Variants in ANO2 observed in about 807,000 individuals in gnomAD.
ANO2 encodes anoctamin 2.
In ANO2, 101 loss-of-function variants were observed where a neutral mutation model predicts 124.2. That is an observed-to-expected ratio of 0.81 (90% confidence interval 0.69 to 0.96). ANO2 has a LOEUF of 0.96. Among genes scored for constraint, ANO2 ranks in the 40% least tolerant of loss-of-function variants. The pLI is 0.00. For missense variants in ANO2, 1,293 were observed against 1,274.5 expected (o/e 1.01, Z -0.22); for synonymous variants, 486 against 482.5 (o/e 1.01, Z -0.09).
intron 23 of ANO2, among the ~76,000 whole-genome samples, chr12:5,572,647 A>G (rs1591645074): frequency 6.6e-6 from 1 of 152,332 alleles, no homozygotes; most frequent in Admixed American, 6.5e-5. Flanking sequence ...CCAAGCCTTT[A>G]GTAGGGTCTC....
chr12:5,649,580 T>C (rs898559014), intron 14 of ANO2, among the ~76,000 whole-genome samples: 1 of 152,166 alleles, frequency 6.6e-6, no homozygotes, highest in African/African-American at 2.4e-5. Flanking sequence ...TTAGTTTCAC[T>C]CACACACTAA....
At chr12:5,842,444 T>G (rs776456489) in intron 4 of ANO2, among the ~76,000 whole-genome samples, 1 of 152,256 alleles carries the variant, frequency 6.6e-6, no homozygotes, top group East Asian at 1.9e-4. Flanking sequence ...TAATGCTACA[T>G]GTGCCACCAT....
At chr12:5,692,010 A>C (rs959648489) in intron 14 of ANO2, among the ~76,000 whole-genome samples, 3 of 152,154 alleles carry the variant, frequency 2.0e-5, no homozygotes, top group African/African-American at 7.2e-5. Flanking sequence ...TAATGGGGAA[A>C]GTCTCTGGTG....
chr12:5,670,701 A>AT (rs1236189594), intron 14 of ANO2, among the ~76,000 whole-genome samples: 4 of 151,042 alleles, frequency 2.6e-5, no homozygotes, highest in East Asian at 3.9e-4. Context: ...TTCCTGGCTA[A>AT]TTTTTTTTTA....
chr12:5,674,812 G>C (rs1948162145), intron 14 of ANO2, among the ~76,000 whole-genome samples: 2 of 152,236 alleles, frequency 1.3e-5, no homozygotes, highest in Non-Finnish European at 2.9e-5. Flanking sequence ...GGGAAGTTGT[G>C]AAGAGTAGAG....
intron 24 of ANO2, 102 bp downstream of exon 24, chr12:5,565,456 A>T (rs1166030981): frequency 9.7e-7 from 1 of 1,027,070 alleles, no homozygotes; most frequent in African/African-American, 1.6e-5. Context: ...CTTATGTCAC[A>T]GAGTACCACC....
chr12:5,774,081 T>C (rs1952159672), intron 10 of ANO2, among the ~76,000 whole-genome samples: 1 of 152,190 alleles, frequency 6.6e-6, no homozygotes, highest in South Asian at 2.1e-4. Context: ...GCTTGAAGAA[T>C]TCTTTGACTT....
intron 19 of ANO2, chr12:5,608,723 A>G (rs1202849244): frequency 6.6e-6 from 1 of 152,242 alleles, no homozygotes; most frequent in East Asian, 1.9e-4. Context: ...GTCATAAACA[A>G]GAAAATTTAG....
chr12:5,706,609 T>A (rs1949620730), intron 14 of ANO2, among the ~76,000 whole-genome samples: 1 of 152,220 alleles, frequency 6.6e-6, no homozygotes, highest in Non-Finnish European at 1.5e-5. Context: ...CTTTGCTTCA[T>A]CTTTCCTCAG....
At chr12:5,569,725 C>T (rs1362348560) in intron 23 of ANO2, among the ~76,000 whole-genome samples, 6 of 151,976 alleles carry the variant, frequency 3.9e-5, no homozygotes, top group Non-Finnish European at 5.9e-5. Flanking sequence ...GATGTGTGTG[C>T]GTGTGTGTCT....
chr12:5,609,119 G>A (rs1944354858), intron 19 of ANO2: 1 of 152,196 alleles, frequency 6.6e-6, no homozygotes, highest in Admixed American at 6.6e-5. Flanking sequence ...GTCTCTCTAA[G>A]ATGGTAAGCT....
At chr12:5,729,757 C>T (rs1229242036) in intron 14 of ANO2, among the ~76,000 whole-genome samples, 1 of 149,594 alleles carries the variant, frequency 6.7e-6, no homozygotes, top group East Asian at 1.9e-4. Context: ...GTAGAGACCA[C>T]CCAAATGACC....
chr12:5,821,030 G>C (rs1953778919), intron 7 of ANO2, among the ~76,000 whole-genome samples: 1 of 152,162 alleles, frequency 6.6e-6, no homozygotes, highest in African/African-American at 2.4e-5. Flanking sequence ...CTCCAGCTTT[G>C]TGTCATAATC....
chr12:5,945,204 C>A lies in ANO2; in HGVS notation c.14G>T (p.Gly5Val). The change falls in exon 1 of 25, where the codon GGG becomes GTG. Residue 5 changes from glycine to valine, a missense_variant. Gly to Val is a moderately radical substitution (Grantham distance 109, BLOSUM62 -3). Transcript: ENST00000682330. The stretch of plus-strand genomic sequence containing the variant: ...CCAGCCGGAAAACTCACCGCGCGGC[C>A]CGGGAGTCGCCATGATGTGGACGCA... MATPGPRDIPLLPGS... is the reference protein window; with the variant it reads MATPVPRDIPLLPGS... 1 of 1,288,696 alleles carries A rather than the reference C, an allele frequency of 7.8e-7. No individual in the cohort carries two copies. The highest frequency in any genetic ancestry group is 5.6e-5 in the East Asian group (1 of 17,958). 79.8% of individuals were successfully genotyped at this position (1,288,696 alleles called of 1,614,324 possible). A position where few individuals can be genotyped will look rare whatever the true frequency, so the allele number is the denominator to read the frequency against.
At chr12:5,828,507 T>C (rs762243024) in intron 6 of ANO2, among the ~76,000 whole-genome samples, 4 of 152,226 alleles carry the variant, frequency 2.6e-5, no homozygotes, top group Non-Finnish European at 5.9e-5. Context: ...CTCTGGTTTT[T>C]TCCTGGGTCC....
intron 14 of ANO2, among the ~76,000 whole-genome samples, chr12:5,672,581 G>T (rs945235543): frequency 1.7e-5 from 2 of 118,288 alleles, no homozygotes; most frequent in African/African-American, 6.2e-5. Flanking sequence ...CAGTCAGCTC[G>T]TGTGTGTGTG....
Position 5,635,267 on chromosome 12 carries a change from A to G in ANO2, c.1701T>C (p.Ala567=), listed in dbSNP as rs1945950620. 1 of 1,612,302 alleles carries G rather than the reference A, an allele frequency of 6.2e-7. No homozygotes were observed. Among genetic ancestry groups the G allele is most frequent in the African/African-American group, 1.3e-5 (1 of 74,824 alleles). The change falls in exon 16 of 25, where the codon GCT becomes GCC. Residue 567 remains alanine, a synonymous_variant. Coordinates refer to ENST00000682330, the MANE Select transcript of ANO2 (RefSeq NM_001364791.2). This position sits in a 1 kb window ranked among gnomAD's most constrained non-coding sequence, Gnocchi z 5.2. ...TTAAALSLNK[A]TRSNVRVTVT... ...CTGTCACCCGGACATTGGAGCGTGT[A>G]GCCTTATTGAGAGACAGAGCGGCTG... is the stretch of plus-strand genomic sequence containing the variant.
intron 7 of ANO2, among the ~76,000 whole-genome samples, chr12:5,827,132 T>C (rs1049242948): frequency 6.6e-6 from 1 of 152,240 alleles, no homozygotes; most frequent in Non-Finnish European, 1.5e-5. Context: ...CCATCACAGA[T>C]GTCTTCCACA....
intron 1 of ANO2, among the ~76,000 whole-genome samples, chr12:5,924,858 C>T (rs974520906): frequency 2.0e-5 from 3 of 152,214 alleles, no homozygotes; most frequent in African/African-American, 4.8e-5. Context: ...AAGACACAGA[C>T]CTCTCTTCCA....
Sources: gnomAD v4.1 joint callset for allele counts (sites outside exome capture counted in the v4.1 genomes callset) on GRCh38, gnomAD v4.1.1 for gene constraint, Gnocchi (gnomAD v3.1) non-coding constraint, MANE v1.5 for transcripts, NCBI Gene and HGNC (gene_info 2026-07-23, HGNC 2026-07-21) for gene names.